The following CTIF variants were observed in gnomAD, a reference collection of about 807,000 sequenced individuals.
The protein encoded by CTIF is CBP80/20-dependent translation initiation factor.
CTIF carries 21 observed loss-of-function variants against 66.0 expected under a neutral mutation model. The ratio of observed to expected loss-of-function variants is 0.32; its 90% CI spans 0.23 to 0.46. The LOEUF (loss-of-function observed/expected upper bound fraction) is 0.46, where lower values mean the gene tolerates loss of function less well. Ranked by LOEUF, CTIF falls within the 20% of genes least tolerant of loss-of-function variation. The pLI is 1.00. For synonymous variants in CTIF, 345 were observed against 326.4 expected (o/e 1.06, Z -0.62); for missense variants, 739 against 812.7 (o/e 0.91, Z 1.10).
chr18:48,846,492 AGGATAGATGGATGGATGGAT>A (rs1568265618), intron 10 of CTIF, among the ~76,000 whole-genome samples: 7 of 125,294 alleles, frequency 5.6e-5, no homozygotes, highest in African/African-American at 1.7e-4. Flanking sequence ...GATGGATGAA[AGGATAGATGGATGGATGGAT>A]GGATGGATGG....
intron 1 of CTIF, among the ~76,000 whole-genome samples, chr18:48,547,997 G>C (rs2088794768): frequency 6.6e-6 from 1 of 152,204 alleles, no homozygotes; most frequent in South Asian, 2.1e-4. Context: ...GGAATTTATT[G>C]AGTGCAGGGA....
intron 9 of CTIF, among the ~76,000 whole-genome samples, chr18:48,792,734 A>C (rs548831162): frequency 1.3e-5 from 2 of 152,244 alleles, no homozygotes; most frequent in South Asian, 4.2e-4. Flanking sequence ...AGGATAACCT[A>C]AGATCTGGGG....
intron 7 of CTIF, among the ~76,000 whole-genome samples, chr18:48,751,095 GC>G (rs1907767091): frequency 6.6e-6 from 1 of 152,174 alleles, no homozygotes; most frequent in Non-Finnish European, 1.5e-5. Context: ...TACTGTAACT[GC>G]TTCCTACATG....
At position 48,603,849 on chromosome 18, in the gene CTIF, A is replaced by ATT. The variant is rs34207687; in HGVS notation, c.-28-15671_-28-15670dup. ...TCAGTGGGAGCCTAGACTCAGTGAA[A>ATT]TTTTTTTTTTTTTTTTTTTGAGATG... is the stretch of plus-strand genomic sequence containing the variant. On this transcript the variant is annotated intron_variant, in intron 1 of 11. Coordinates refer to ENST00000256413, the MANE Select transcript of CTIF (RefSeq NM_014772.3). 2.4e-3 allele frequency among the ~76,000 whole-genome samples: 336 copies of ATT among 138,130 alleles called. 2 individuals are homozygous for ATT. Among genetic ancestry groups the ATT allele is most frequent in the African/African-American group, 3.8e-3 (141 of 37,376 alleles). The allele number at this position is 138,130 out of a possible 152,430, so 90.6% of individuals were successfully genotyped here.
intron 7 of CTIF, among the ~76,000 whole-genome samples, chr18:48,729,685 C>CAG (rs910803291): frequency 1.3e-5 from 2 of 152,218 alleles, no homozygotes; most frequent in Admixed American, 6.5e-5. Flanking sequence ...GTGGAAAACA[C>CAG]GTGCTCCTTT....
chr18:48,729,523 G>A (rs1442070121), intron 7 of CTIF, among the ~76,000 whole-genome samples: 1 of 152,300 alleles, frequency 6.6e-6, no homozygotes. Context: ...GGAGGCAGTA[G>A]GATGAGAGCT....
chr18:48,692,314 A>G (rs1337420201), intron 6 of CTIF, among the ~76,000 whole-genome samples: 1 of 145,702 alleles, frequency 6.9e-6, no homozygotes, highest in Non-Finnish European at 1.5e-5. Flanking sequence ...AACAAAAACA[A>G]AAACAAAACA....
At chr18:48,812,682 A>C (rs1262822725) in intron 9 of CTIF, among the ~76,000 whole-genome samples, 2 of 151,340 alleles carry the variant, frequency 1.3e-5, no homozygotes, top group Admixed American at 1.3e-4. Context: ...TGAGCCTAAG[A>C]GGTCGAGGCT....
At chr18:48,716,764 T>A (rs1373904951) in intron 7 of CTIF, among the ~76,000 whole-genome samples, 1 of 152,218 alleles carries the variant, frequency 6.6e-6, no homozygotes, top group East Asian at 1.9e-4. Flanking sequence ...AGGTGGCTAA[T>A]GTAGGCATTA....
At chr18:48,821,350 A>G (rs1030009543) in intron 10 of CTIF, among the ~76,000 whole-genome samples, 2 of 152,208 alleles carry the variant, frequency 1.3e-5, no homozygotes, top group Non-Finnish European at 2.9e-5. Flanking sequence ...TTTAACTCAG[A>G]CAGCACTTTG....
intron 6 of CTIF, among the ~76,000 whole-genome samples, chr18:48,690,825 C>G (rs1377265006): frequency 6.6e-6 from 1 of 151,938 alleles, no homozygotes; most frequent in Non-Finnish European, 1.5e-5. Flanking sequence ...AATAAAACCT[C>G]CTCCCTGCAA....
intron 9 of CTIF, among the ~76,000 whole-genome samples, chr18:48,767,243 G>A (rs1909655851): frequency 6.6e-6 from 1 of 152,218 alleles, no homozygotes; most frequent in Non-Finnish European, 1.5e-5. Context: ...GAATTGTGGT[G>A]TGATACAGGG....
At chr18:48,665,060 G>A (rs1598829697) in intron 5 of CTIF, among the ~76,000 whole-genome samples, 1 of 151,490 alleles carries the variant, frequency 6.6e-6, no homozygotes, top group East Asian at 1.9e-4. Flanking sequence ...GACTACAGGC[G>A]CCCGCCACCG....
chr18:48,669,010 C>G (rs1279596991), intron 5 of CTIF, among the ~76,000 whole-genome samples: 2 of 152,262 alleles, frequency 1.3e-5, no homozygotes, highest in Middle Eastern at 3.4e-3. Flanking sequence ...TCCACCCAGG[C>G]CTTTGCTGGT....
intron 5 of CTIF, among the ~76,000 whole-genome samples, chr18:48,664,905 CTTTCTTTT>C (rs2091410950): frequency 1.6e-5 from 1 of 62,688 alleles, no homozygotes; most frequent in Non-Finnish European, 3.2e-5. Context: ...CTGTGTGTTT[CTTTCTTTT>C]TTTTTTTTTT....
intron 9 of CTIF, among the ~76,000 whole-genome samples, chr18:48,796,865 C>T (rs2067931691): frequency 6.6e-6 from 1 of 152,216 alleles, no homozygotes; most frequent in African/African-American, 2.4e-5. Flanking sequence ...TTTCCCCTAT[C>T]CACACTGCTT....
chr18:48,594,890 G>T (rs549534814), intron 1 of CTIF, among the ~76,000 whole-genome samples: 1 of 152,344 alleles, frequency 6.6e-6, no homozygotes, highest in South Asian at 2.1e-4. Context: ...CTGGGGCCAG[G>T]CTGAGAGAGC....
chr18:48,574,686 C>T (rs1038280902), intron 1 of CTIF, among the ~76,000 whole-genome samples: 3 of 152,174 alleles, frequency 2.0e-5, no homozygotes, highest in East Asian at 1.9e-4. Flanking sequence ...CTGCTAGACC[C>T]GGAGTCACTT....
intron 10 of CTIF, among the ~76,000 whole-genome samples, chr18:48,825,513 C>G (rs1403150088): frequency 1.3e-5 from 2 of 152,190 alleles, no homozygotes; most frequent in Non-Finnish European, 2.9e-5. Context: ...TGTTTTGGCT[C>G]CAGGGGAAAT....
Sources: gnomAD v4.1 joint callset for allele counts (sites outside exome capture counted in the v4.1 genomes callset) on GRCh38, gnomAD v4.1.1 for gene constraint, MANE v1.5 for transcripts, NCBI Gene and HGNC (gene_info 2026-07-23, HGNC 2026-07-21) for gene names.